Variants in PCDHGA6 observed in about 807,000 individuals in gnomAD.
The protein encoded by PCDHGA6 is protocadherin gamma subfamily A, 6.
PCDHGA6 carries 41 observed loss-of-function variants against 60.6 expected under a neutral mutation model. That is an observed-to-expected ratio of 0.68 (90% CI 0.53 to 0.88). The LOEUF (loss-of-function observed/expected upper bound fraction) is 0.88, where lower values mean the gene tolerates loss of function less well. Among genes scored for constraint, PCDHGA6 ranks in the 40% least tolerant of loss-of-function variants. The pLI is 0.00. For missense variants in PCDHGA6, 1,312 were observed against 1,203.0 expected (o/e 1.09, Z -1.34); for synonymous variants, 594 against 524.4 (o/e 1.13, Z -1.81).
intron 1 of PCDHGA6, among the ~76,000 whole-genome samples, chr5:141,453,864 G>A (rs758778743): frequency 2.6e-5 from 4 of 152,192 alleles, no homozygotes; most frequent in Non-Finnish European, 5.9e-5. Context: ...GAAAATAACA[G>A]ATGAGCAAAA....
At chr5:141,393,525 A>G in intron 1 of PCDHGA6, 1 of 1,613,922 alleles carries the variant, frequency 6.2e-7, no homozygotes, top group Non-Finnish European at 8.5e-7. Context: ...TACAAATGAC[A>G]ATGCCCCGGT....
Position 141,384,300 on chromosome 5 carries a change from AG to A in PCDHGA6, c.2424+7797del, listed in dbSNP as rs751826409. The A allele has an allele frequency of 3.1e-6, 5 of 1,613,658 alleles. No homozygotes were observed. In the Admixed American group the frequency reaches 8.3e-5, roughly 27 times the overall value. On this transcript the variant is annotated intron_variant, in intron 1 of 3. Transcript: ENST00000517434. ...TCTACATCGCTGAGAACAACCCCAG[AG>A]GGGCCTCCATTTTCTTAGTGACTGC...
intron 1 of PCDHGA6, chr5:141,385,051 C>A (rs1222079447): frequency 6.2e-7 from 1 of 1,614,154 alleles, no homozygotes; most frequent in East Asian, 2.2e-5. Flanking sequence ...CAGGCTGCGG[C>A]GCTGGCACAA....
intron 1 of PCDHGA6, chr5:141,387,576 G>C (rs534073702): frequency 2.1e-6 from 1 of 487,618 alleles, no homozygotes; most frequent in Non-Finnish European, 3.6e-6. Context: ...TATAATTATT[G>C]CACTGGTTAA....
chr5:141,399,639 C>A lies in PCDHGA6; in HGVS notation c.2424+23132C>A, dbSNP rs1405309490. On this transcript the variant is annotated intron_variant, in intron 1 of 3. Transcript: ENST00000517434. ...CACTGGCCTCTTACGTGTCCATGAG[C>A]GCGCAAAGTGGGGTGGTGTTCGCGC... 5 of 1,613,858 alleles carry A rather than the reference C, an allele frequency of 3.1e-6. No individual in the cohort carries two copies. The highest frequency in any genetic ancestry group is 3.4e-6 in the Non-Finnish European group (4 of 1,179,886).
intron 1 of PCDHGA6, among the ~76,000 whole-genome samples, chr5:141,465,788 T>A (rs1322471400): frequency 6.6e-6 from 1 of 152,110 alleles, no homozygotes; most frequent in Non-Finnish European, 1.5e-5. Context: ...AGTTTTTTTT[T>A]TTTTAAGAAA....
rs1772046633 is a variant in PCDHGA6, at chr5:141,375,922, G to A, written c.1839G>A (p.Glu613=). ...WLSYRLLKAS[E]PGLFSVGLHT... is the part of the protein sequence containing the mutation. ...CCTACCGCCTGCTCAAGGCCAGCGA[G>A]CCAGGACTTTTCTCAGTGGGCCTGC... The change falls in exon 1 of 4, where the codon GAG becomes GAA. Residue 613 remains glutamate (E), a synonymous_variant. Transcript: ENST00000517434. 3.1e-6 allele frequency: 5 copies of A among 1,613,646 alleles called. No individual in the cohort carries two copies. The highest frequency in any genetic ancestry group is 1.7e-5 in the Admixed American group (1 of 60,010).
chr5:141,510,798 A>G, intron 3 of PCDHGA6, 149 bp from the exon 4 acceptor site: 1 of 1,474,326 alleles, frequency 6.8e-7, no homozygotes, highest in South Asian at 1.3e-5. Context: ...GTGAAGAGAG[A>G]CTACCTTGGT....
chr5:141,477,564 A>T lies in PCDHGA6; in HGVS notation c.2425-17243A>T. 2 of 1,613,924 alleles carry T rather than the reference A, an allele frequency of 1.2e-6. No individual in the cohort carries two copies. The highest frequency in any genetic ancestry group is 1.7e-6 in the Non-Finnish European group (2 of 1,179,980). On this transcript the variant is annotated intron_variant, in intron 1 of 3. Coordinates refer to ENST00000517434, the MANE Select transcript of PCDHGA6 (RefSeq NM_018919.3). The surrounding 1 kb of genome is among the most constrained non-coding windows in gnomAD (Gnocchi z 4.9). ...CCAATACTAAACCTAAGTGTCTGGG[A>T]CCCCGACGCCCCGCAGAATGCTCGG... is the stretch of plus-strand genomic sequence containing the variant.
chr5:141,387,571 T>C (rs1183327637), intron 1 of PCDHGA6: 2 of 474,240 alleles, frequency 4.2e-6, no homozygotes, highest in African/African-American at 2.0e-5. Flanking sequence ...ACAATTATAA[T>C]TATTGCACTG....
rs188373658 is a variant in PCDHGA6 at position 141,492,228 on chromosome 5, C to T, written c.2425-2579C>T. ...TGCGCGCGGGGCTCATGCGTGTCCT[C>T]CCTGCTGGCCACCCCCACGGCCCAC... On this transcript the variant is annotated intron_variant, in intron 1 of 3. Coordinates refer to ENST00000517434, the MANE Select transcript of PCDHGA6 (RefSeq NM_018919.3). Among the ~76,000 whole-genome samples the T allele has an allele frequency of 5.3e-5, 8 of 152,292 alleles. No individual in the cohort carries two copies. In the East Asian group the frequency reaches 1.2e-3, roughly 22 times the overall value.
Position 141,431,677 on chromosome 5 carries a change from G to T in PCDHGA6, c.2424+55170G>T. The T allele has an allele frequency of 1.2e-6, 2 of 1,614,236 alleles. No homozygotes were observed. Among genetic ancestry groups the T allele is most frequent in the Non-Finnish European group, 1.7e-6 (2 of 1,180,050 alleles). ...CAGGGACAATATCAACAATAGGGGAGTTGGACCACGAGGAGTCAGGATTCT... is the reference window on the plus strand; with the variant it reads ...CAGGGACAATATCAACAATAGGGGATTTGGACCACGAGGAGTCAGGATTCT... On this transcript the variant is annotated intron_variant, in intron 1 of 3. Coordinates refer to ENST00000517434, the MANE Select transcript of PCDHGA6 (RefSeq NM_018919.3). The surrounding 1 kb of genome is among the most constrained non-coding windows in gnomAD (Gnocchi z 4.8).
chr5:141,422,539 C>T (rs1335732614), intron 1 of PCDHGA6: 6 of 1,613,876 alleles, frequency 3.7e-6, no homozygotes, highest in Middle Eastern at 1.6e-4. Context: ...TGCAGAAACT[C>T]ATGTCTGGCT....
chr5:141,487,529 A>G lies in PCDHGA6; in HGVS notation c.2425-7278A>G, dbSNP rs772843725. ...TGCACCCACTCGGAGTGATAGCTTCATGATGGTGAAGTCACCCAGTGCACC... is the reference window on the plus strand; with the variant it reads ...TGCACCCACTCGGAGTGATAGCTTCGTGATGGTGAAGTCACCCAGTGCACC... On this transcript the variant is annotated intron_variant, in intron 1 of 3. Coordinates refer to ENST00000517434, the MANE Select transcript of PCDHGA6 (RefSeq NM_018919.3). The surrounding 1 kb of genome is among the most constrained non-coding windows in gnomAD (Gnocchi z 5.0). The G allele has an allele frequency of 2.0e-5, 32 of 1,614,168 alleles. No individual in the cohort carries two copies. Among genetic ancestry groups the G allele is most frequent in the Non-Finnish European group, 2.5e-5 (29 of 1,180,040 alleles).
chr5:141,386,522 C>CG (rs1554089719), intron 1 of PCDHGA6, among the ~76,000 whole-genome samples: 3 of 152,174 alleles, frequency 2.0e-5, no homozygotes, highest in Admixed American at 2.0e-4. Context: ...CAAAAAAAGA[C>CG]TCTTTTTAGA....
intron 1 of PCDHGA6, chr5:141,420,344 T>G (rs2096490860): frequency 2.2e-6 from 3 of 1,394,808 alleles, no homozygotes; most frequent in African/African-American, 1.5e-5. Flanking sequence ...TATAGTGGTA[T>G]TATTTTAAGA....
chr5:141,391,155 T>C (rs2092309201), intron 1 of PCDHGA6: 1 of 152,250 alleles, frequency 6.6e-6, no homozygotes, highest in Non-Finnish European at 1.5e-5. Context: ...GAAAGAAATA[T>C]AGTCTTGAAA....
Position 141,375,118 on chromosome 5 carries a change from A to T in PCDHGA6, c.1035A>T (p.Pro345=). Residue 345 remains proline (P), a synonymous_variant, in exon 1 of 4, where the codon CCA becomes CCT. Transcript: ENST00000517434. The part of the protein sequence containing the change: ...ITILDVNDNV[P]EVVVTSGSRT... The stretch of plus-strand genomic sequence containing the variant: ...TCTTGGATGTCAATGATAATGTACC[A>T]GAAGTGGTTGTTACATCTGGAAGCA... 6.2e-7 allele frequency: 1 copy of T among 1,613,984 alleles called. No homozygotes were observed. The highest frequency in any genetic ancestry group is 8.5e-7 in the Non-Finnish European group (1 of 1,179,890).
chr5:141,383,105 G>C (rs775672220), intron 1 of PCDHGA6: 7 of 1,614,030 alleles, frequency 4.3e-6, no homozygotes, highest in Non-Finnish European at 5.9e-6. Flanking sequence ...ATCATCTCCA[G>C]AGGTAGGACG....
Sources: allele counts gnomAD v4.1 joint callset (sites outside exome capture counted in the v4.1 genomes callset), GRCh38; gene constraint gnomAD v4.1.1; non-coding constraint Gnocchi (gnomAD v3.1); transcripts MANE v1.5; gene names NCBI Gene and HGNC (gene_info 2026-07-23, HGNC 2026-07-21).